LRP1B: variants seen among roughly 807,000 people sequenced by gnomAD.
The protein encoded by LRP1B is LDL receptor related protein 1B.
In LRP1B, 217 loss-of-function variants were observed where a neutral mutation model predicts 556.6. The observed-to-expected ratio is 0.39, with a 90% CI of 0.35 to 0.44. The LOEUF (loss-of-function observed/expected upper bound fraction) is 0.44, where lower values mean the gene tolerates loss of function less well. Among genes scored for constraint, LRP1B ranks in the 20% least tolerant of loss-of-function variants. LRP1B has a pLI of 1.00. For missense variants in LRP1B, 5,053 were observed against 5,620.8 expected (o/e 0.90, Z 3.23); for synonymous variants, 2,047 against 1,865.8 (o/e 1.10, Z -2.50).
At chr2:141,534,274 C>T (rs1167458843) in intron 2 of LRP1B, among the ~76,000 whole-genome samples, 2 of 152,098 alleles carry the variant, frequency 1.3e-5, no homozygotes, top group African/African-American at 4.8e-5. Context: ...AAATTGTGCT[C>T]ATTTATGAGG....
At chr2:140,913,731 T>G (rs935274929) in intron 21 of LRP1B, among the ~76,000 whole-genome samples, 2 of 152,010 alleles carry the variant, frequency 1.3e-5, no homozygotes, top group African/African-American at 4.8e-5. Context: ...AAATTCTAAT[T>G]TTTATATTTG....
At chr2:141,693,597 T>C (rs1240680839) in intron 2 of LRP1B, among the ~76,000 whole-genome samples, 2 of 152,094 alleles carry the variant, frequency 1.3e-5, no homozygotes, top group South Asian at 2.1e-4. Flanking sequence ...GTTACTGAGA[T>C]GCAATGGCCT....
chr2:140,351,104 G>T (rs1365768872), intron 76 of LRP1B, 66 bp from the exon 77 acceptor site: 8 of 1,059,618 alleles, frequency 7.5e-6, no homozygotes, highest in Admixed American at 5.0e-5. Flanking sequence ...AGCAATAATT[G>T]TACTTTTAAA....
chr2:140,950,546 C>T, intron 19 of LRP1B, 144 bp from the exon 20 acceptor site: 1 of 547,188 alleles, frequency 1.8e-6, no homozygotes, highest in Non-Finnish European at 3.1e-6. Flanking sequence ...TGCAGTGGCA[C>T]TATCTCGGCT....
chr2:140,556,478 T>G (rs1384025825), intron 43 of LRP1B, among the ~76,000 whole-genome samples: 1 of 152,036 alleles, frequency 6.6e-6, no homozygotes, highest in African/African-American at 2.4e-5. Flanking sequence ...CCCACAACTA[T>G]CCACTTCGTC....
chr2:141,339,676 G>A (rs1687983176), intron 3 of LRP1B, among the ~76,000 whole-genome samples: 1 of 152,118 alleles, frequency 6.6e-6, no homozygotes, highest in Non-Finnish European at 1.5e-5. Context: ...GTTTGAATGT[G>A]GCGTGGTTTC....
chr2:141,934,984 A>C (rs1197828303), intron 1 of LRP1B, among the ~76,000 whole-genome samples: 2 of 152,180 alleles, frequency 1.3e-5, no homozygotes, highest in Admixed American at 1.3e-4. Context: ...AAGGGAAAGA[A>C]CCAGTCATTA....
intron 2 of LRP1B, among the ~76,000 whole-genome samples, chr2:141,675,431 A>G (rs1323206923): frequency 6.6e-6 from 1 of 151,872 alleles, no homozygotes; most frequent in Non-Finnish European, 1.5e-5. Flanking sequence ...CATAGAACAT[A>G]GTAGTAAGAG....
At chr2:141,682,876 T>C (rs970956131) in intron 2 of LRP1B, among the ~76,000 whole-genome samples, 1 of 152,168 alleles carries the variant, frequency 6.6e-6, no homozygotes, top group African/African-American at 2.4e-5. Context: ...ACAATAAACT[T>C]GACTTTACCA....
intron 1 of LRP1B, among the ~76,000 whole-genome samples, chr2:141,973,261 A>G (rs1701795977): frequency 6.6e-6 from 1 of 151,720 alleles, no homozygotes. Context: ...ATTGATTAAA[A>G]TCAACATCAT....
At chr2:140,342,520 T>C (rs1265424978) in intron 77 of LRP1B, among the ~76,000 whole-genome samples, 3 of 151,520 alleles carry the variant, frequency 2.0e-5, no homozygotes, top group Non-Finnish European at 4.4e-5. Context: ...AAATAAAAAA[T>C]GCAAGATTTT....
At chr2:141,817,127 T>C (rs1466098916) in intron 1 of LRP1B, among the ~76,000 whole-genome samples, 3 of 152,178 alleles carry the variant, frequency 2.0e-5, no homozygotes, top group African/African-American at 7.2e-5. Flanking sequence ...ACATGTTGTA[T>C]ATATGTGTGT....
chr2:141,291,430 T>C (rs557998364), intron 3 of LRP1B, among the ~76,000 whole-genome samples: 55 of 152,332 alleles, frequency 3.6e-4, no homozygotes, highest in Middle Eastern at 3.4e-3. Flanking sequence ...TTAGAAAATT[T>C]CTGCTTGCTA....
chr2:140,722,329 AT>A (rs1687431913), intron 35 of LRP1B, among the ~76,000 whole-genome samples: 1 of 152,192 alleles, frequency 6.6e-6, no homozygotes, highest in African/African-American at 2.4e-5. Flanking sequence ...ATACACTATC[AT>A]TTCTACTGGA....
intron 83 of LRP1B, among the ~76,000 whole-genome samples, chr2:140,300,339 A>G (rs1205004657): frequency 6.6e-6 from 1 of 152,100 alleles, no homozygotes; most frequent in African/African-American, 2.4e-5. Flanking sequence ...AGAACTGTAT[A>G]ATGGGCCCTA....
At chr2:140,784,736 A>T (rs1274413264) in intron 32 of LRP1B, among the ~76,000 whole-genome samples, 1 of 151,962 alleles carries the variant, frequency 6.6e-6, no homozygotes. Flanking sequence ...AGGTAAAAAA[A>T]AAAATTGAAC....
At chr2:142,005,172 T>C (rs1702764518) in intron 1 of LRP1B, among the ~76,000 whole-genome samples, 1 of 150,420 alleles carries the variant, frequency 6.6e-6, no homozygotes, top group South Asian at 2.1e-4. Context: ...ACTATATATT[T>C]ATATATATTT....
chr2:141,229,963 T>C (rs1343544808), intron 5 of LRP1B, among the ~76,000 whole-genome samples: 4 of 152,194 alleles, frequency 2.6e-5, no homozygotes, highest in East Asian at 1.9e-4. Context: ...CACATTCTTT[T>C]AGTGACTAGA....
At chr2:140,985,450 G>A (rs890818535) in intron 17 of LRP1B, among the ~76,000 whole-genome samples, 4 of 150,998 alleles carry the variant, frequency 2.6e-5, no homozygotes, top group African/African-American at 9.8e-5. Flanking sequence ...GCTATGGTGG[G>A]GAGAAATGTT....
Sources: allele counts gnomAD v4.1 joint callset (sites outside exome capture counted in the v4.1 genomes callset), GRCh38; gene constraint gnomAD v4.1.1; transcripts MANE v1.5; gene names NCBI Gene and HGNC (gene_info 2026-07-23, HGNC 2026-07-21).